Variants in RSU1 observed in about 807,000 individuals in gnomAD.
RSU1 encodes Ras suppressor protein 1.
RSU1 carries 26 observed loss-of-function variants against 31.1 expected under a neutral mutation model. The observed-to-expected ratio is 0.84, with a 90% confidence interval of 0.61 to 1.16. The LOEUF is 1.16. Ranked by LOEUF, RSU1 falls within the 50% of genes most tolerant of loss-of-function variation. The pLI, the probability that RSU1 is intolerant of heterozygous loss-of-function variation, is 0.00. For synonymous variants in RSU1, 164 were observed against 136.3 expected (o/e 1.20, Z -1.41); for missense variants, 320 against 339.1 (o/e 0.94, Z 0.44).
chr10:16,646,491 C>T (rs1282317034), intron 8 of RSU1, among the ~76,000 whole-genome samples: 1 of 152,180 alleles, frequency 6.6e-6, no homozygotes, highest in East Asian at 1.9e-4. Flanking sequence ...CCCTTCTCTC[C>T]AGCAGAATCA....
At position 16,738,267 on chromosome 10, in the gene RSU1, A is replaced by C. The variant is rs1836677132; in HGVS notation, c.598+14272T>G. 3.3e-5 allele frequency among the ~76,000 whole-genome samples: 5 copies of C among 152,250 alleles called. No homozygotes were observed. In the South Asian group the frequency reaches 6.2e-4, roughly 19 times the overall value. ...CGAGACCATCCTGGCTAACAGAGTG[A>C]AACTCCGTCTCTACTAAAAAAAAAA... On this transcript the variant is annotated intron_variant, in intron 7 of 8. Coordinates refer to ENST00000345264, the MANE Select transcript of RSU1 (RefSeq NM_012425.4).
rs948098932 is a variant in RSU1, at chr10:16,817,027, C to T, written c.55G>A (p.Glu19Lys). 4 of 1,614,152 alleles carry T rather than the reference C, an allele frequency of 2.5e-6. No individual in the cohort carries two copies. The highest frequency in any genetic ancestry group is 2.5e-6 in the Non-Finnish European group (3 of 1,180,052). ...ATGCCCCGGTCACTCATGTCCACCT[C>T]GGGCTGGTTCTTCTCCCGGCTCTCC... The part of the protein sequence containing the change: ...VEESREKNQP[E>K]VDMSDRGISN... Residue 19 changes from glutamate (E) to lysine (K), a missense_variant, in exon 2 of 9, where the codon GAG becomes AAG. Coordinates refer to ENST00000345264, the MANE Select transcript of RSU1 (RefSeq NM_012425.4).
At chr10:16,796,173 C>T (rs907772809) in intron 2 of RSU1, among the ~76,000 whole-genome samples, 3 of 152,120 alleles carry the variant, frequency 2.0e-5, no homozygotes, top group Non-Finnish European at 4.4e-5. Flanking sequence ...GATTTGGTCT[C>T]GTAGGCAGCT....
At chr10:16,732,626 G>A (rs1368175383) in intron 7 of RSU1, among the ~76,000 whole-genome samples, 2 of 152,178 alleles carry the variant, frequency 1.3e-5, no homozygotes, top group African/African-American at 4.8e-5. Context: ...TTTTGTTATA[G>A]CAGCCCAAGC....
chr10:16,810,791 G>A (rs1005864657), intron 2 of RSU1, among the ~76,000 whole-genome samples: 1 of 152,234 alleles, frequency 6.6e-6, no homozygotes, highest in Non-Finnish European at 1.5e-5. Context: ...GGAGGCTGGG[G>A]CAGGCAGATC....
Position 16,592,801 on chromosome 10 carries a change from G to A in RSU1, c.*593C>T, listed in dbSNP as rs1342608035. 2 of 152,220 alleles carry A rather than the reference G, an allele frequency of 1.3e-5. No homozygotes were observed. 9.4% of individuals were successfully genotyped at this position (152,220 alleles called of 1,614,324 possible). ...ATTTCTTTCATGAAAAGTTTATCAT[G>A]TATAACCAATAAAATTGGATAAGAT... is the stretch of plus-strand genomic sequence containing the variant. On this transcript the variant is annotated 3_prime_UTR_variant, in exon 9 of 9. Coordinates refer to ENST00000345264, the MANE Select transcript of RSU1 (RefSeq NM_012425.4).
intron 2 of RSU1, among the ~76,000 whole-genome samples, chr10:16,806,740 G>A (rs1358458106): frequency 1.3e-5 from 2 of 152,026 alleles, no homozygotes; most frequent in African/African-American, 4.8e-5. Context: ...AAAGACTTAA[G>A]CATTTACAGC....
At chr10:16,703,658 A>G (rs1373347284) in intron 7 of RSU1, among the ~76,000 whole-genome samples, 1 of 152,244 alleles carries the variant, frequency 6.6e-6, no homozygotes, top group Non-Finnish European at 1.5e-5. Context: ...GGCAATGGTC[A>G]TGACATAATA....
chr10:16,816,976 G>C lies in RSU1; in HGVS notation c.106C>G (p.Leu36Val). ...AGAGTCCTGCCCGAGAACTCACAGA[G>C]GCCGTTGACATCCAGCATGTTGGAG... is the stretch of plus-strand genomic sequence containing the variant. ...GISNMLDVNGLFTLSHITQLV... is the reference protein window; with the variant it reads ...GISNMLDVNGVFTLSHITQLV... The change falls in exon 2 of 9, where the codon CTC becomes GTC. Residue 36 changes from leucine to valine, a missense_variant. By Grantham distance (32) the Leu-to-Val change is conservative (BLOSUM62 1). Coordinates refer to ENST00000345264, the MANE Select transcript of RSU1 (RefSeq NM_012425.4). 1.2e-6 allele frequency: 2 copies of C among 1,611,084 alleles called. No individual in the cohort carries two copies. Among genetic ancestry groups the C allele is most frequent in the Non-Finnish European group, 1.7e-6 (2 of 1,177,170 alleles).
chr10:16,687,838 G>C (rs1393393008), intron 8 of RSU1, among the ~76,000 whole-genome samples: 1 of 152,058 alleles, frequency 6.6e-6, no homozygotes, highest in African/African-American at 2.4e-5. Context: ...TCCCACCTCA[G>C]CCACCCAAGT....
intron 2 of RSU1, among the ~76,000 whole-genome samples, chr10:16,788,180 T>G (rs1045391736): frequency 2.8e-4 from 43 of 152,226 alleles, no homozygotes; most frequent in African/African-American, 9.2e-4. Context: ...CAGCTTCATG[T>G]AAGAGCAAAC....
At chr10:16,748,862 C>T (rs1341673795) in intron 7 of RSU1, among the ~76,000 whole-genome samples, 2 of 152,116 alleles carry the variant, frequency 1.3e-5, no homozygotes, top group African/African-American at 4.8e-5. Flanking sequence ...CCCTTCCATG[C>T]TCCATTTTTT....
At chr10:16,766,560 C>T (rs1302810036) in intron 3 of RSU1, among the ~76,000 whole-genome samples, 1 of 152,002 alleles carries the variant, frequency 6.6e-6, no homozygotes, top group Non-Finnish European at 1.5e-5. Flanking sequence ...ACTAAAAATA[C>T]AAAAATTAGC....
At chr10:16,747,572 A>C (rs1472128017) in intron 7 of RSU1, among the ~76,000 whole-genome samples, 2 of 152,190 alleles carry the variant, frequency 1.3e-5, no homozygotes, top group African/African-American at 4.8e-5. Flanking sequence ...AAACAGATCC[A>C]GTATCCGACC....
At chr10:16,671,307 G>A in intron 8 of RSU1, among the ~76,000 whole-genome samples, 1 of 152,098 alleles carries the variant, frequency 6.6e-6, no homozygotes, top group Admixed American at 6.5e-5. Context: ...TCCTCCCAAA[G>A]AGCTGGGATT....
At chr10:16,722,899 T>C (rs1277042475) in intron 7 of RSU1, among the ~76,000 whole-genome samples, 2 of 148,564 alleles carry the variant, frequency 1.3e-5, no homozygotes, top group Non-Finnish European at 3.0e-5. Flanking sequence ...TATATGTATA[T>C]ATACACACAT....
At chr10:16,752,117 A>G (rs1198460057) in intron 7 of RSU1, among the ~76,000 whole-genome samples, 1 of 152,242 alleles carries the variant, frequency 6.6e-6, no homozygotes, top group Non-Finnish European at 1.5e-5. Flanking sequence ...ACTATTTGGT[A>G]AAAGTTTTTC....
chr10:16,624,368 T>G (rs530873937), intron 8 of RSU1, among the ~76,000 whole-genome samples: 1 of 152,256 alleles, frequency 6.6e-6, no homozygotes, highest in East Asian at 1.9e-4. Flanking sequence ...TCCACCTCTG[T>G]GGCTGCCCAT....
At position 16,754,253 on chromosome 10, in the gene RSU1, G is replaced by T. The variant is rs567125535; in HGVS notation, c.400+618C>A. ...GGAAGCAAACCTTGTCCAAAATAGT[G>T]CATGAGTTCCCAGAAGAAATCATTT... On this transcript the variant is annotated intron_variant, in intron 5 of 8. Transcript: ENST00000345264. Among the ~76,000 whole-genome samples, 5 of 152,144 alleles carry T rather than the reference G, an allele frequency of 3.3e-5. No homozygotes were observed. The South Asian group carries it at 8.3e-4, about 25-fold the overall frequency.
Sources: gnomAD v4.1 joint callset for allele counts (sites outside exome capture counted in the v4.1 genomes callset) on GRCh38, gnomAD v4.1.1 for gene constraint, MANE v1.5 for transcripts, NCBI Gene and HGNC (gene_info 2026-07-23, HGNC 2026-07-21) for gene names.